Variants in UQCC1 observed in about 807,000 individuals in gnomAD.
UQCC1 encodes bFGF-repressed Zic-binding protein.
UQCC1 carries 38 observed loss-of-function variants against 48.0 expected under a neutral mutation model. The ratio of observed to expected loss-of-function variants is 0.79; its 90% CI spans 0.61 to 1.04. The LOEUF is 1.04. Among genes scored for constraint, UQCC1 ranks in the 50% least tolerant of loss-of-function variants. UQCC1 has a pLI of 0.00. For missense variants in UQCC1, 368 were observed against 381.8 expected, an observed-to-expected ratio of 0.96 and a Z score of 0.30; for synonymous variants, 111 against 129.2, an observed-to-expected ratio of 0.86 and a Z score of 0.95.
chr20:35,347,633 G>A (rs886170163), intron 6 of UQCC1, among the ~76,000 whole-genome samples: 1 of 152,022 alleles, frequency 6.6e-6, no homozygotes, highest in South Asian at 2.1e-4. Context: ...ATGAAAGCAG[G>A]AGTCCTAAAG....
At chr20:35,341,438 C>T (rs537626068) in intron 7 of UQCC1, among the ~76,000 whole-genome samples, 7 of 152,170 alleles carry the variant, frequency 4.6e-5, no homozygotes, top group Admixed American at 1.3e-4. Context: ...GAATAAAAAA[C>T]GGTATCTCCC....
At position 35,347,268 on chromosome 20, in the gene UQCC1, A is replaced by G; in HGVS notation, c.469T>C (p.Cys157Arg). The G allele has an allele frequency of 6.2e-7, 1 of 1,613,974 alleles. No homozygotes were observed. Among genetic ancestry groups the G allele is most frequent in the Non-Finnish European group, 8.5e-7 (1 of 1,179,860 alleles). Residue 157 changes from cysteine to arginine, a missense_variant, in exon 7 of 10, where the codon TGT becomes CGT. Physicochemically the swap from Cys to Arg is radical, Grantham distance 180 (BLOSUM62 -3). Transcript: ENST00000374385. ...CCTTCCTGCTTCATTCGGACTAGAC[A>G]CATCCTGGGTGGGAAGAAGACAAAA... ...FLITLLHVWM[C>R]LVRMKQEGRS...
chr20:35,399,104 A>G lies in UQCC1; in HGVS notation c.25-4908T>C, dbSNP rs541165846. ...GGGCCTCCATTTTCCCTTATGAAAA[A>G]TGGGAATAATAAAAGCTATCTCACA... is the stretch of plus-strand genomic sequence containing the variant. On this transcript the variant is annotated intron_variant, in intron 1 of 9. Coordinates refer to ENST00000374385, the MANE Select transcript of UQCC1 (RefSeq NM_018244.5). Among the ~76,000 whole-genome samples the G allele has an allele frequency of 3.3e-5, 5 of 152,304 alleles. No individual in the cohort carries two copies. In the East Asian group the frequency reaches 9.6e-4, roughly 29 times the overall value.
In UQCC1 at chr20:35,322,461, C is replaced by T. The variant is rs1023417233; in HGVS notation, c.574-7696G>A. Among the ~76,000 whole-genome samples the T allele has an allele frequency of 9.9e-5, 15 of 152,168 alleles. 1 individual carries two copies. On this transcript the variant is annotated intron_variant, in intron 7 of 9. Transcript: ENST00000374385. ...CTCAAAACTGTTAAGTGGCCAGGTG[C>T]GGTGGCTCACGCCTGTAATCTCAGC...
intron 1 of UQCC1, among the ~76,000 whole-genome samples, chr20:35,408,266 T>C (rs536797463): frequency 1.3e-5 from 2 of 150,244 alleles, no homozygotes; most frequent in Non-Finnish European, 3.0e-5. Flanking sequence ...TCCTCTCTAC[T>C]AAAAATTTAA....
intron 2 of UQCC1, among the ~76,000 whole-genome samples, chr20:35,387,798 CTT>C (rs11471118): frequency 0.53 from 78,375 of 146,508 alleles, 21,805 homozygotes; most frequent in East Asian, 0.72. Context: ...TTTAGGACAA[CTT>C]TTTTTTTTTT....
chr20:35,385,273 T>A (rs754773685), intron 2 of UQCC1, among the ~76,000 whole-genome samples: 2 of 151,814 alleles, frequency 1.3e-5, no homozygotes, highest in Non-Finnish European at 2.9e-5. Flanking sequence ...GTTTCCATCA[T>A]CACTATCATC....
At chr20:35,344,736 T>A (rs1458098304) in intron 7 of UQCC1, 1 of 152,376 alleles carries the variant, frequency 6.6e-6, no homozygotes, top group Non-Finnish European at 1.5e-5. Context: ...ACTCCCTTCC[T>A]GGCATACAAC....
At chr20:35,338,884 A>ATAT (rs1568666124) in intron 7 of UQCC1, among the ~76,000 whole-genome samples, 65 of 59,158 alleles carry the variant, frequency 1.1e-3, no homozygotes, top group South Asian at 2.5e-3. Flanking sequence ...AAAAAAAAAA[A>ATAT]AAAAAAAAAT....
intron 6 of UQCC1, among the ~76,000 whole-genome samples, chr20:35,357,377 G>A (rs1205014312): frequency 6.6e-6 from 1 of 152,084 alleles, no homozygotes; most frequent in Non-Finnish European, 1.5e-5. Flanking sequence ...AAAATTAGCT[G>A]GGCGTGGTGG....
chr20:35,366,514 T>A, intron 6 of UQCC1, 43 bp downstream of exon 6: 2 of 1,586,322 alleles, frequency 1.3e-6, no homozygotes, highest in African/African-American at 1.3e-5. Context: ...CAGCAGTGTT[T>A]AAAAAAATAC....
At chr20:35,393,761 A>C (rs1156670578) in intron 2 of UQCC1, among the ~76,000 whole-genome samples, 1 of 152,138 alleles carries the variant, frequency 6.6e-6, no homozygotes, top group African/African-American at 2.4e-5. Flanking sequence ...AGAAATAATT[A>C]TCACGCCCAA....
At chr20:35,312,583 G>C (rs1036352645) in intron 8 of UQCC1, among the ~76,000 whole-genome samples, 1 of 152,154 alleles carries the variant, frequency 6.6e-6, no homozygotes, top group Non-Finnish European at 1.5e-5. Flanking sequence ...TGAGTCACAG[G>C]AAGTTCAGGA....
At chr20:35,351,157 G>A (rs1258474433) in intron 6 of UQCC1, among the ~76,000 whole-genome samples, 2 of 152,142 alleles carry the variant, frequency 1.3e-5, no homozygotes, top group African/African-American at 4.8e-5. Flanking sequence ...TTGGGAGGCT[G>A]AGGTGAGCGG....
At position 35,311,606 on chromosome 20, in the gene UQCC1, T is replaced by C. The variant is rs576088289; in HGVS notation, c.651+3082A>G. 2.3e-4 allele frequency among the ~76,000 whole-genome samples: 35 copies of C among 152,322 alleles called. No individual in the cohort carries two copies. In the South Asian group the frequency reaches 6.8e-3, roughly 30 times the overall value. On this transcript the variant is annotated intron_variant, in intron 8 of 9. Transcript: ENST00000374385. ...ACGTGCAGCTGTTAGCAATGCAGAA[T>C]CTCAGGCCCCGCCCCAGACTTGCTG...
intron 7 of UQCC1, among the ~76,000 whole-genome samples, chr20:35,340,342 A>G (rs546761651): frequency 1.7e-4 from 26 of 152,334 alleles, no homozygotes; most frequent in African/African-American, 6.3e-4. Flanking sequence ...CCAAAATGGA[A>G]TTACTCTGAC....
chr20:35,331,545 A>G (rs1260704527), intron 7 of UQCC1, among the ~76,000 whole-genome samples: 1 of 152,170 alleles, frequency 6.6e-6, no homozygotes, highest in African/African-American at 2.4e-5. Flanking sequence ...CCCTCCTTTC[A>G]AAGGGCTCCA....
intron 9 of UQCC1, among the ~76,000 whole-genome samples, chr20:35,304,873 G>A (rs889182962): frequency 6.6e-6 from 1 of 152,072 alleles, no homozygotes; most frequent in Non-Finnish European, 1.5e-5. Context: ...CCAGCCTCTC[G>A]CACGTGTCTT....
At chr20:35,308,771 G>A (rs1328718842) in intron 8 of UQCC1, among the ~76,000 whole-genome samples, 3 of 152,236 alleles carry the variant, frequency 2.0e-5, no homozygotes, top group Admixed American at 1.3e-4. Context: ...CTGAAGTGCA[G>A]TGGCATGATC....
Sources: gnomAD v4.1 joint callset for allele counts (sites outside exome capture counted in the v4.1 genomes callset) on GRCh38, gnomAD v4.1.1 for gene constraint, MANE v1.5 for transcripts, NCBI Gene and HGNC (gene_info 2026-07-23, HGNC 2026-07-21) for gene names.